The following BDP1 variants were observed in gnomAD, a reference collection of about 807,000 sequenced individuals.
BDP1 encodes transcription factor TFIIIB component B'' homolog.
Under a neutral mutation model 266.6 loss-of-function variants are expected in BDP1, and 169 were observed. The observed-to-expected ratio is 0.63, with a 90% CI of 0.56 to 0.72. BDP1 has a LOEUF of 0.72. Among genes scored for constraint, BDP1 ranks in the 30% least tolerant of loss-of-function variants. The pLI, the probability that BDP1 is intolerant of heterozygous loss-of-function variation, is 0.00. For missense variants in BDP1, 3,015 were observed against 3,053.8 expected, an observed-to-expected ratio of 0.99 and a Z score of 0.30; for synonymous variants, 1,090 against 1,022.4, an observed-to-expected ratio of 1.07 and a Z score of -1.26.
intron 37 of BDP1, among the ~76,000 whole-genome samples, chr5:71,560,878 T>G (rs1743598800): frequency 6.6e-6 from 1 of 152,202 alleles, no homozygotes; most frequent in African/African-American, 2.4e-5. Context: ...ATTTAATAGA[T>G]CTATTGTTTT....
At chr5:71,562,754 A>G (rs1293030666) in intron 38 of BDP1, 3 of 1,422,646 alleles carry the variant, frequency 2.1e-6, no homozygotes, top group Admixed American at 4.2e-5. Context: ...TGGACACTTA[A>G]TAGCCATTCC....
At chr5:71,462,832 T>C (rs1356382074) in intron 3 of BDP1, among the ~76,000 whole-genome samples, 1 of 152,170 alleles carries the variant, frequency 6.6e-6, no homozygotes, top group Non-Finnish European at 1.5e-5. Context: ...CACTTTTCTG[T>C]AATCAAGATT....
intron 7 of BDP1, among the ~76,000 whole-genome samples, chr5:71,478,543 T>C (rs920248453): frequency 6.6e-6 from 1 of 152,236 alleles, no homozygotes; most frequent in Non-Finnish European, 1.5e-5. Context: ...TTTTGGTCTT[T>C]TAAAGATGTC....
chr5:71,478,219 A>G (rs1762715511), intron 7 of BDP1, among the ~76,000 whole-genome samples: 1 of 152,190 alleles, frequency 6.6e-6, no homozygotes, highest in East Asian at 1.9e-4. Context: ...ATTGGACTCT[A>G]GCCTGGGTAA....
rs1365836496 is a variant in BDP1, at chr5:71,509,943, G to C, written c.2851G>C (p.Gly951Arg). Residue 951 changes from glycine to arginine, a missense_variant, in exon 17 of 39, where the codon GGT (glycine) becomes CGT (arginine). Physicochemically the swap from Gly to Arg is moderately radical, Grantham distance 125. This residue lies in a region of BDP1 where 2,383 missense variants were observed against 2,404.9 expected (regional missense o/e 0.99). Coordinates refer to ENST00000358731, the MANE Select transcript of BDP1 (RefSeq NM_018429.3). The part of the protein sequence containing the change: ...KNGPEEVKPL[G>R]EVETDLKATG... ...TGGCCCAGAGGAGGTTAAGCCTCTA[G>C]GTGAAGTGGAGACAGATTTGAAAGC... 1.9e-6 allele frequency: 3 copies of C among 1,613,684 alleles called. No homozygotes were observed.
chr5:71,567,313 T>C lies in BDP1; in HGVS notation c.*2428T>C, dbSNP rs1381431925. 1 of 152,176 alleles carries C rather than the reference T, an allele frequency of 6.6e-6. No homozygotes were observed. Among genetic ancestry groups the C allele is most frequent in the African/African-American group, 2.4e-5 (1 of 41,452 alleles). The allele number at this position is 152,176 out of a possible 1,614,324, so 9.4% of individuals were successfully genotyped here. A position where few individuals can be genotyped will look rare whatever the true frequency, so the allele number is the denominator to read the frequency against. Reference sequence around the variant, plus strand: ...TGAGCTAGTTTTATGGAAAATGGAATTTCTTACTATATAAAGAATACAGAG... The same window carrying C: ...TGAGCTAGTTTTATGGAAAATGGAACTTCTTACTATATAAAGAATACAGAG... On this transcript the variant is annotated 3_prime_UTR_variant, in exon 39 of 39. Coordinates refer to ENST00000358731, the MANE Select transcript of BDP1 (RefSeq NM_018429.3).
intron 25 of BDP1, among the ~76,000 whole-genome samples, chr5:71,531,883 T>C (rs1766268340): frequency 6.6e-6 from 1 of 152,224 alleles, no homozygotes; most frequent in Non-Finnish European, 1.5e-5. Flanking sequence ...TGATTACATG[T>C]CTGCTTTTCT....
chr5:71,505,904 A>G (rs1281737600), intron 16 of BDP1, among the ~76,000 whole-genome samples: 2 of 152,230 alleles, frequency 1.3e-5, no homozygotes, highest in Non-Finnish European at 2.9e-5. Context: ...AGTGAAAGCT[A>G]GGTTTCCTGA....
At chr5:71,502,301 A>G (rs944704084) in intron 14 of BDP1, among the ~76,000 whole-genome samples, 2 of 150,542 alleles carry the variant, frequency 1.3e-5, no homozygotes, top group African/African-American at 2.4e-5. Flanking sequence ...CAGCCTCCCA[A>G]GTAGCTGATA....
At chr5:71,514,226 A>G (rs115938126) in intron 19 of BDP1, among the ~76,000 whole-genome samples, 24 of 152,336 alleles carry the variant, frequency 1.6e-4, no homozygotes, top group African/African-American at 5.5e-4. Context: ...TCCTTCTTAG[A>G]ATTAAAATTC....
At chr5:71,481,568 G>A (rs1363007432) in intron 7 of BDP1, among the ~76,000 whole-genome samples, 1 of 151,952 alleles carries the variant, frequency 6.6e-6, no homozygotes, top group African/African-American at 2.4e-5. Flanking sequence ...AAACAAAACA[G>A]AATAAAAAAT....
chr5:71,461,180 A>G (rs1431298537), intron 2 of BDP1, among the ~76,000 whole-genome samples: 2 of 151,958 alleles, frequency 1.3e-5, no homozygotes, highest in Non-Finnish European at 2.9e-5. Context: ...ATAGGGTCTC[A>G]TTTATGTTGC....
In BDP1 at chr5:71,458,841, T is replaced by A; in HGVS notation, c.475T>A (p.Leu159Met). The A allele has an allele frequency of 6.2e-7, 1 of 1,610,726 alleles. No individual in the cohort carries two copies. Among genetic ancestry groups the A allele is most frequent in the Non-Finnish European group, 8.5e-7 (1 of 1,179,270 alleles). ...ACTGAGGGAAATGTTAAAAGAAGAA[T>A]TGAGAAAAGAGAAGGTAAGGGAGGA... ...QKLREMLKEE[L>M]RKEKKQWKNK... The change falls in exon 2 of 39, where the codon TTG becomes ATG. Residue 159 changes from leucine to methionine, a missense_variant. Around this residue, in one of 3 missense-constraint regions of BDP1, gnomAD observed 2,383 missense variants for 2,404.9 expected, o/e 0.99. Coordinates refer to ENST00000358731, the MANE Select transcript of BDP1 (RefSeq NM_018429.3).
chr5:71,466,822 T>G (rs1490321744), intron 5 of BDP1, among the ~76,000 whole-genome samples: 1 of 152,206 alleles, frequency 6.6e-6, no homozygotes, highest in Non-Finnish European at 1.5e-5. Flanking sequence ...GTTTAGCCAG[T>G]GAAAAATAAT....
chr5:71,458,387 T>A (rs1761327993), intron 1 of BDP1, among the ~76,000 whole-genome samples, 192 bp from the exon 2 acceptor site: 1 of 152,098 alleles, frequency 6.6e-6, no homozygotes, highest in Non-Finnish European at 1.5e-5. Flanking sequence ...CTATTAGAAT[T>A]TACGTATATT....
At chr5:71,564,646 G>T in intron 38 of BDP1, 108 bp from the exon 39 acceptor site, 1 of 985,666 alleles carries the variant, frequency 1.0e-6, no homozygotes, top group Middle Eastern at 3.3e-4. Context: ...TTGCCACGTT[G>T]CTTTTCAAAC....
In BDP1 at chr5:71,564,931, C is replaced by G; in HGVS notation, c.*46C>G. ...TTTTTTAAATTAGGTCTAGGATTTC[C>G]AGAGTCAATTACATCAACAAAACAG... On this transcript the variant is annotated 3_prime_UTR_variant, in exon 39 of 39. Coordinates refer to ENST00000358731, the MANE Select transcript of BDP1 (RefSeq NM_018429.3). 6.5e-7 allele frequency: 1 copy of G among 1,529,618 alleles called. No homozygotes were observed. Among genetic ancestry groups the G allele is most frequent in the South Asian group, 1.2e-5 (1 of 80,152 alleles). The allele number at this position is 1,529,618 out of a possible 1,614,324, so 94.8% of individuals were successfully genotyped here.
intron 7 of BDP1, among the ~76,000 whole-genome samples, chr5:71,478,096 C>A (rs370219107): frequency 6.6e-6 from 1 of 152,004 alleles, no homozygotes; most frequent in Admixed American, 6.6e-5. Context: ...ACTAAAAATA[C>A]AAAATTAGCC....
rs755227440 is a variant in BDP1, at chr5:71,466,137, T to C, written c.701T>C (p.Met234Thr). The C allele has an allele frequency of 6.2e-7, 1 of 1,613,768 alleles. No individual in the cohort carries two copies. The highest frequency in any genetic ancestry group is 8.5e-7 in the Non-Finnish European group (1 of 1,179,770). Residue 234 changes from methionine to threonine, a missense_variant, in exon 5 of 39, where the codon ATG becomes ACG. Coordinates refer to ENST00000358731, the MANE Select transcript of BDP1 (RefSeq NM_018429.3). ...KSTPNAEDNE[M>T]EEETDDGPLL... ...ACTCCTAATGCTGAAGATAATGAAA[T>C]GGAAGAAGAGACAGATGATGGGCCA...
Sources: gnomAD v4.1 joint callset for allele counts (sites outside exome capture counted in the v4.1 genomes callset) on GRCh38, gnomAD v4.1.1 for gene constraint, gnomAD v4.1.1 regional missense constraint, MANE v1.5 for transcripts, NCBI Gene and HGNC (gene_info 2026-07-23, HGNC 2026-07-21) for gene names.